The following QKI variants were observed in gnomAD, a reference collection of about 807,000 sequenced individuals.
QKI encodes KH domain-containing RNA-binding protein QKI.
Under a neutral mutation model 39.0 loss-of-function variants are expected in QKI, and 10 were observed. The observed-to-expected ratio is 0.26, with a 90% CI of 0.16 to 0.43. The LOEUF (loss-of-function observed/expected upper bound fraction) is 0.43. Among genes scored for constraint, QKI ranks in the 20% least tolerant of loss-of-function variants. The pLI, the probability that QKI is intolerant of heterozygous loss-of-function variation, is 1.00. For synonymous variants in QKI, 204 were observed against 155.4 expected (o/e 1.31, Z -2.33); for missense variants, 218 against 428.0 (o/e 0.51, Z 4.33).
At chr6:163,472,680 A>C (rs541147915) in intron 2 of QKI, among the ~76,000 whole-genome samples, 5 of 152,222 alleles carry the variant, frequency 3.3e-5, no homozygotes, top group Non-Finnish European at 1.5e-5. Context: ...ATTACATATA[A>C]CATGTTTGCT....
chr6:163,563,867 C>A, intron 6 of QKI, 148 bp downstream of exon 6: 1 of 1,441,210 alleles, frequency 6.9e-7, no homozygotes, highest in African/African-American at 1.4e-5. Context: ...TTATTTCAGC[C>A]TCTCATAAGG....
At chr6:163,470,791 A>G (rs1792123075) in intron 2 of QKI, among the ~76,000 whole-genome samples, 1 of 152,184 alleles carries the variant, frequency 6.6e-6, no homozygotes, top group South Asian at 2.1e-4. Context: ...TGAAGAGAGA[A>G]TTAGTAAACT....
chr6:163,525,043 T>TA (rs1276075653), intron 3 of QKI, among the ~76,000 whole-genome samples: 1 of 152,196 alleles, frequency 6.6e-6, no homozygotes, highest in Non-Finnish European at 1.5e-5. Flanking sequence ...ATAAATTCCT[T>TA]AGAGTATCAG....
intron 1 of QKI, among the ~76,000 whole-genome samples, chr6:163,428,551 C>G (rs1788583849): frequency 6.6e-6 from 1 of 151,994 alleles, no homozygotes; most frequent in Non-Finnish European, 1.5e-5. Context: ...AAAAGATAGT[C>G]TTATCTCACT....
chr6:163,424,413 G>A (rs1465497946), intron 1 of QKI, among the ~76,000 whole-genome samples: 1 of 152,192 alleles, frequency 6.6e-6, no homozygotes, highest in Non-Finnish European at 1.5e-5. Context: ...CTGTGATGAA[G>A]TGGTAAGCAT....
chr6:163,537,105 G>A (rs1445513019), intron 4 of QKI, among the ~76,000 whole-genome samples: 1 of 152,146 alleles, frequency 6.6e-6, no homozygotes, highest in Non-Finnish European at 1.5e-5. Flanking sequence ...CTACTTGGGA[G>A]GCTAATGTGG....
At chr6:163,422,220 C>T (rs1190771643) in intron 1 of QKI, among the ~76,000 whole-genome samples, 5 of 152,110 alleles carry the variant, frequency 3.3e-5, no homozygotes, top group Non-Finnish European at 4.4e-5. Flanking sequence ...TTTCTTGATG[C>T]GGAAACTCTA....
chr6:163,477,255 A>T (rs1183981178), intron 2 of QKI, among the ~76,000 whole-genome samples: 1 of 151,926 alleles, frequency 6.6e-6, no homozygotes, highest in Non-Finnish European at 1.5e-5. Context: ...TCCTCAAGTG[A>T]TCCACCCCGT....
At chr6:163,549,950 T>C (rs565775106) in intron 4 of QKI, among the ~76,000 whole-genome samples, 2 of 152,294 alleles carry the variant, frequency 1.3e-5, no homozygotes, top group Admixed American at 6.5e-5. Context: ...AGGAACCTAA[T>C]TGTATACTTT....
intron 4 of QKI, among the ~76,000 whole-genome samples, chr6:163,542,865 T>G (rs7769044): frequency 0.039 from 5,917 of 152,114 alleles, 395 homozygotes; most frequent in African/African-American, 0.14. Flanking sequence ...GTTTTGAAAT[T>G]TAAAGTTGTC....
intron 2 of QKI, among the ~76,000 whole-genome samples, chr6:163,466,439 C>T (rs1791760414): frequency 1.6e-5 from 1 of 63,618 alleles, no homozygotes; most frequent in African/African-American, 8.7e-5. Flanking sequence ...ACCTAATCGC[C>T]AAAACAGTCT....
At chr6:163,459,614 C>T (rs1320083655) in intron 2 of QKI, among the ~76,000 whole-genome samples, 1 of 152,142 alleles carries the variant, frequency 6.6e-6, no homozygotes, top group Non-Finnish European at 1.5e-5. Flanking sequence ...CATATGCTTG[C>T]TTTTTAGAAT....
intron 2 of QKI, 145 bp downstream of exon 2, chr6:163,455,566 A>G: frequency 1.2e-6 from 1 of 825,258 alleles, no homozygotes; most frequent in Non-Finnish European, 1.9e-6. Context: ...TTGGCATGAT[A>G]ATTTAAAAAA....
chr6:163,553,072 TTATTTATTTA>T (rs1782358705), intron 4 of QKI, among the ~76,000 whole-genome samples: 1 of 28,436 alleles, frequency 3.5e-5, no homozygotes, highest in Non-Finnish European at 6.9e-5. Context: ...TTTTATTTAT[TTATTTATTTA>T]TTTATTTATT....
chr6:163,488,619 A>T (rs908776556), intron 3 of QKI, among the ~76,000 whole-genome samples: 1 of 152,182 alleles, frequency 6.6e-6, no homozygotes, highest in African/African-American at 2.4e-5. Context: ...ACTACCAGTG[A>T]TACAGTTGGT....
At chr6:163,450,645 C>G (rs762362244) in intron 1 of QKI, among the ~76,000 whole-genome samples, 1 of 151,256 alleles carries the variant, frequency 6.6e-6, no homozygotes, top group Non-Finnish European at 1.5e-5. Context: ...GAAAAAAAAT[C>G]AAGATAATTA....
intron 4 of QKI, among the ~76,000 whole-genome samples, chr6:163,542,970 T>TAGAA (rs10650028): frequency 0.75 from 112,910 of 151,480 alleles, 42,284 homozygotes; most frequent in East Asian, 1. Flanking sequence ...TTTAGGATAA[T>TAGAA]AGGCATCTGT....
intron 2 of QKI, among the ~76,000 whole-genome samples, chr6:163,468,100 T>G (rs73244766): frequency 1.8e-4 from 27 of 152,266 alleles, no homozygotes; most frequent in African/African-American, 6.5e-4. Flanking sequence ...TTGGGTGTGG[T>G]CCGTTTTTTG....
Position 163,419,132 on chromosome 6 carries a change from TTC to T in QKI, c.142+3799_142+3800del, listed in dbSNP as rs200601168. Among the ~76,000 whole-genome samples, 35 of 152,270 alleles carry T rather than the reference TTC, an allele frequency of 2.3e-4. No individual in the cohort carries two copies. In the East Asian group the frequency reaches 3.9e-3, roughly 17 times the overall value. ...GGTCTTTTTGTGTTTACAGTAAACT[TTC>T]TGTCTGACCTCAGTTTAGTTTATAC... On this transcript the variant is annotated intron_variant, in intron 1 of 7. Transcript: ENST00000361752.
Sources: allele counts gnomAD v4.1 joint callset (sites outside exome capture counted in the v4.1 genomes callset), GRCh38; gene constraint gnomAD v4.1.1; transcripts MANE v1.5; gene names NCBI Gene and HGNC (gene_info 2026-07-23, HGNC 2026-07-21).